Variants in CHD2 observed in about 807,000 individuals in gnomAD.
The protein encoded by CHD2 is chromodomain helicase DNA binding protein 2.
CHD2 carries 28 observed loss-of-function variants against 243.9 expected under a neutral mutation model. The ratio of observed to expected loss-of-function variants is 0.11; its 90% CI spans 0.09 to 0.16. The LOEUF (loss-of-function observed/expected upper bound fraction) is 0.16, where lower values mean the gene tolerates loss of function less well. CHD2 is among the 10% of genes least tolerant of loss of function. The pLI is 1.00. For missense variants in CHD2, 1,386 were observed against 2,209.8 expected (o/e 0.63, Z 7.47); for synonymous variants, 775 against 779.0 (o/e 0.99, Z 0.09).
chr15:92,974,373 A>G (rs553836089), intron 19 of CHD2, among the ~76,000 whole-genome samples: 1 of 152,350 alleles, frequency 6.6e-6, no homozygotes, highest in South Asian at 2.1e-4. Flanking sequence ...GATCAATTTT[A>G]ACATTTTCAA....
intron 7 of CHD2, among the ~76,000 whole-genome samples, chr15:92,941,142 C>T (rs2053376196): frequency 6.6e-6 from 1 of 150,856 alleles, no homozygotes; most frequent in Non-Finnish European, 1.5e-5. Context: ...GCTGGGATTA[C>T]AGGCGCCCAC....
intron 5 of CHD2, among the ~76,000 whole-genome samples, chr15:92,930,717 C>T (rs924216791): frequency 6.6e-6 from 1 of 152,156 alleles, no homozygotes; most frequent in Non-Finnish European, 1.5e-5. Context: ...AGCCACTGTG[C>T]CCCGCCACTT....
chr15:92,982,356 G>A (rs1489661392), intron 24 of CHD2, among the ~76,000 whole-genome samples: 1 of 152,182 alleles, frequency 6.6e-6, no homozygotes, highest in Non-Finnish European at 1.5e-5. Flanking sequence ...CCATGGATGA[G>A]GCAGAAAGTT....
Position 93,024,390 on chromosome 15 carries a change from G to A in CHD2, c.5172G>A (p.Lys1724=), listed in dbSNP as rs1200086024. The A allele has an allele frequency of 1.2e-6, 2 of 1,613,754 alleles. No homozygotes were observed. The highest frequency in any genetic ancestry group is 1.7e-6 in the Non-Finnish European group (2 of 1,179,816). ...DYYDRHHHDS[K]RRRSDEFRPQ... is the part of the protein sequence containing the mutation. Reference sequence around the variant, plus strand: ...ATTTCAGGCACCATCATGACTCCAAGCGGAGGAGATCCGATGAATTTAGGC... The same window carrying A: ...ATTTCAGGCACCATCATGACTCCAAACGGAGGAGATCCGATGAATTTAGGC... Residue 1724 remains lysine, a synonymous_variant, in exon 39 of 39, where the codon AAG becomes AAA. Transcript: ENST00000394196.
chr15:92,963,716 A>G (rs1291023421), intron 16 of CHD2, among the ~76,000 whole-genome samples: 1 of 152,202 alleles, frequency 6.6e-6, no homozygotes, highest in Non-Finnish European at 1.5e-5. Context: ...GTCCCGTATG[A>G]CACAGTCAAT....
At chr15:93,003,950 C>G (rs2054288999) in intron 33 of CHD2, among the ~76,000 whole-genome samples, 1 of 151,662 alleles carries the variant, frequency 6.6e-6, no homozygotes, top group Non-Finnish European at 1.5e-5. Context: ...ATGGTGAAAC[C>G]CCGTCTGTAC....
Position 93,014,683 on chromosome 15 carries a change from T to A in CHD2, c.4693-13T>A, listed in dbSNP as rs1364594839. On this transcript the variant is annotated splice_polypyrimidine_tract_variant and intron_variant, in intron 36 of 38. Coordinates refer to ENST00000394196, the MANE Select transcript of CHD2 (RefSeq NM_001271.4). ...GGGATCTTGAGCTTCTTTGGTTTCC[T>A]TTTACTCTTTAGGAGCAAAAGAAGA... 6.2e-6 allele frequency: 10 copies of A among 1,611,800 alleles called. No homozygotes were observed. The Admixed American group carries it at 1.7e-4, about 27-fold the overall frequency.
intron 36 of CHD2, among the ~76,000 whole-genome samples, chr15:93,013,803 C>A (rs577107676): frequency 5.1e-4 from 78 of 151,992 alleles, no homozygotes; most frequent in African/African-American, 1.9e-3. Flanking sequence ...GGTGTGGTGG[C>A]ACATGCCTGT....
At chr15:92,952,155 T>C (rs1039578462) in intron 13 of CHD2, among the ~76,000 whole-genome samples, 4 of 152,220 alleles carry the variant, frequency 2.6e-5, no homozygotes, top group African/African-American at 9.6e-5. Context: ...TCTGGCTGTT[T>C]CTTCAATTTT....
intron 34 of CHD2, among the ~76,000 whole-genome samples, chr15:93,008,029 G>C (rs926046622): frequency 2.0e-5 from 3 of 152,346 alleles, no homozygotes; most frequent in Non-Finnish European, 4.4e-5. Context: ...GGGTGGTGGG[G>C]CTTGATCTCC....
intron 2 of CHD2, among the ~76,000 whole-genome samples, chr15:92,915,176 G>A (rs1411878635): frequency 2.6e-5 from 4 of 152,152 alleles, no homozygotes; most frequent in Non-Finnish European, 5.9e-5. Context: ...CTGAATCCTG[G>A]GGAGGGGCCT....
chr15:93,022,290 AAGAG>A (rs1450997896), intron 38 of CHD2: 2 of 152,322 alleles, frequency 1.3e-5, no homozygotes, highest in East Asian at 3.9e-4. Context: ...GAGAGGGAGC[AAGAG>A]AGAGAGGAGG....
chr15:92,928,996 T>C, intron 4 of CHD2, 34 bp from the exon 5 acceptor site: 1 of 1,598,322 alleles, frequency 6.3e-7, no homozygotes, highest in Non-Finnish European at 8.6e-7. Flanking sequence ...TGAATTAAAG[T>C]CTGTAATCAT....
At position 93,026,224 on chromosome 15, in the gene CHD2, G is replaced by A. The variant is rs2054585729; in HGVS notation, c.*1519G>A. 1 of 152,706 alleles carries A rather than the reference G, an allele frequency of 6.5e-6. No homozygotes were observed. Among genetic ancestry groups the A allele is most frequent in the South Asian group, 2.1e-4 (1 of 4,834 alleles). 9.5% of individuals were successfully genotyped at this position (152,706 alleles called of 1,614,324 possible). On this transcript the variant is annotated 3_prime_UTR_variant, in exon 39 of 39. Transcript: ENST00000394196. ...ACTGACTTGAACATACAGTGTGCCT[G>A]TAAGTGTCCAGGCTCAGAGCTGGTG...
At chr15:92,907,142 A>C (rs3826037) in intron 2 of CHD2, among the ~76,000 whole-genome samples, 61,680 of 151,804 alleles carry the variant, frequency 0.41, 12,758 homozygotes, top group Admixed American at 0.45. Context: ...GGGGAGAGAC[A>C]TTTTTTAAAA....
chr15:93,000,079 C>T (rs534404056), intron 31 of CHD2, among the ~76,000 whole-genome samples: 3 of 152,070 alleles, frequency 2.0e-5, no homozygotes, highest in East Asian at 3.9e-4. Flanking sequence ...ACCAACATGG[C>T]GAAACCCTGT....
In CHD2 at chr15:93,027,100, A is replaced by G. The variant is rs1297416676; in HGVS notation, c.*2395A>G. On this transcript the variant is annotated 3_prime_UTR_variant, in exon 39 of 39. Coordinates refer to ENST00000394196, the MANE Select transcript of CHD2 (RefSeq NM_001271.4). Reference sequence around the variant, plus strand: ...TCTAAAATTACAGTGTCCCCATTAGACAACTATTTTAGGTGCTGGAGTATG... The same window carrying G: ...TCTAAAATTACAGTGTCCCCATTAGGCAACTATTTTAGGTGCTGGAGTATG... 6.5e-6 allele frequency: 1 copy of G among 152,688 alleles called. No individual in the cohort carries two copies. The highest frequency in any genetic ancestry group is 2.1e-4 in the South Asian group (1 of 4,838). 9.5% of individuals were successfully genotyped at this position (152,688 alleles called of 1,614,324 possible).
At chr15:93,019,338 G>A (rs959988305) in intron 37 of CHD2, among the ~76,000 whole-genome samples, 2 of 152,180 alleles carry the variant, frequency 1.3e-5, no homozygotes, top group African/African-American at 4.8e-5. Context: ...TGGTTTTGTT[G>A]TTAAGAGTCT....
intron 28 of CHD2, among the ~76,000 whole-genome samples, chr15:92,995,260 T>C (rs1205651660): frequency 1.3e-5 from 2 of 152,248 alleles, no homozygotes; most frequent in African/African-American, 4.8e-5. Context: ...TGTTTTCATT[T>C]ATTTTCAGTA....
Sources: allele counts gnomAD v4.1 joint callset (sites outside exome capture counted in the v4.1 genomes callset), GRCh38; gene constraint gnomAD v4.1.1; transcripts MANE v1.5; gene names NCBI Gene and HGNC (gene_info 2026-07-23, HGNC 2026-07-21).